Variants in EXOC4 observed in about 807,000 individuals in gnomAD.
The protein encoded by EXOC4 is SEC8-like 1.
Under a neutral mutation model 107.2 loss-of-function variants are expected in EXOC4, and 71 were observed. The ratio of observed to expected loss-of-function variants is 0.66; its 90% CI spans 0.55 to 0.81. The LOEUF (loss-of-function observed/expected upper bound fraction) is 0.81, where lower values mean the gene tolerates loss of function less well. Among genes scored for constraint, EXOC4 ranks in the 30% least tolerant of loss-of-function variants. EXOC4 has a pLI of 0.00. For missense variants in EXOC4, 1,108 were observed against 1,189.6 expected (o/e 0.93, Z 1.01); for synonymous variants, 456 against 441.2 (o/e 1.03, Z -0.42).
intron 10 of EXOC4, among the ~76,000 whole-genome samples, chr7:133,751,820 T>TAATA (rs1330992225): frequency 6.6e-6 from 1 of 152,038 alleles, no homozygotes; most frequent in Non-Finnish European, 1.5e-5. Flanking sequence ...TACTCTATTA[T>TAATA]ATTCTCTGAA....
intron 9 of EXOC4, among the ~76,000 whole-genome samples, chr7:133,617,824 A>AGT (rs1353126994): frequency 2.6e-5 from 4 of 152,226 alleles, no homozygotes; most frequent in Admixed American, 2.6e-4. Context: ...GTGTGAGGAA[A>AGT]GTTTAAAGTG....
At chr7:133,278,245 G>A (rs1794044313) in intron 2 of EXOC4, among the ~76,000 whole-genome samples, 1 of 152,166 alleles carries the variant, frequency 6.6e-6, no homozygotes, top group Admixed American at 6.5e-5. Context: ...TGTCTGCTTT[G>A]TGCTGAGGAT....
chr7:133,781,045 A>G (rs1796455147), intron 10 of EXOC4, among the ~76,000 whole-genome samples: 1 of 152,232 alleles, frequency 6.6e-6, no homozygotes, highest in Non-Finnish European at 1.5e-5. Context: ...CTGAGTCAGC[A>G]ACCCCAACAG....
chr7:133,861,374 A>G (rs550006862), intron 11 of EXOC4, among the ~76,000 whole-genome samples: 1 of 152,250 alleles, frequency 6.6e-6, no homozygotes, highest in South Asian at 2.1e-4. Flanking sequence ...ATTTATCTAC[A>G]TGACAAACCT....
In EXOC4 at chr7:134,012,180, G is replaced by A. The variant is rs73442637; in HGVS notation, c.2687+4345G>A. On this transcript the variant is annotated intron_variant, in intron 17 of 17. Transcript: ENST00000253861. ...GGAAGCTATTAGAAGGTTTGGAGCA[G>A]AAGAGTGCTACATAATGTGAATCAG... 3.7e-3 allele frequency among the ~76,000 whole-genome samples: 561 copies of A among 152,268 alleles called. 6 individuals are homozygous for A. The highest frequency in any genetic ancestry group is 0.013 in the African/African-American group (542 of 41,556).
At chr7:134,000,111 T>A (rs746519742) in intron 15 of EXOC4, among the ~76,000 whole-genome samples, 1 of 152,202 alleles carries the variant, frequency 6.6e-6, no homozygotes, top group Non-Finnish European at 1.5e-5. Flanking sequence ...CACTTCCTCA[T>A]GTAACATGGT....
intron 5 of EXOC4, among the ~76,000 whole-genome samples, chr7:133,336,937 G>A (rs1473707278): frequency 1.3e-5 from 2 of 151,958 alleles, no homozygotes; most frequent in African/African-American, 4.8e-5. Flanking sequence ...GTTTCACTAT[G>A]TTGGGCAGGA....
intron 4 of EXOC4, among the ~76,000 whole-genome samples, chr7:133,308,676 G>C (rs1212779901): frequency 1.3e-5 from 2 of 151,980 alleles, no homozygotes; most frequent in African/African-American, 4.8e-5. Flanking sequence ...ACAAGACCTT[G>C]GTCTGCAAGT....
At chr7:133,796,851 G>A (rs1796827481) in intron 10 of EXOC4, among the ~76,000 whole-genome samples, 1 of 152,182 alleles carries the variant, frequency 6.6e-6, no homozygotes, top group South Asian at 2.1e-4. Context: ...TTACGTGCCT[G>A]GGAAGCTAAT....
At chr7:133,927,243 C>T (rs1372216760) in intron 13 of EXOC4, among the ~76,000 whole-genome samples, 1 of 151,758 alleles carries the variant, frequency 6.6e-6, no homozygotes, top group East Asian at 1.9e-4. Context: ...TTCTGGTCCT[C>T]AGCACCATCA....
At chr7:133,559,273 G>A (rs1012061107) in intron 9 of EXOC4, among the ~76,000 whole-genome samples, 1 of 151,944 alleles carries the variant, frequency 6.6e-6, no homozygotes, top group East Asian at 1.9e-4. Flanking sequence ...TGTTTGTGTC[G>A]TGAATTCTTT....
intron 3 of EXOC4, among the ~76,000 whole-genome samples, chr7:133,300,419 A>G (rs1794616636): frequency 6.6e-6 from 1 of 152,184 alleles, no homozygotes; most frequent in African/African-American, 2.4e-5. Flanking sequence ...AGATCCCGCA[A>G]GAGTCCCTGA....
chr7:134,066,279 G>C (rs892691486), downstream of EXOC4: 2 of 152,186 alleles, frequency 1.3e-5, no homozygotes, highest in African/African-American at 4.8e-5. Context: ...CCGGAGTGGT[G>C]ACAGTGATGG....
At chr7:133,915,233 G>GATTCATTC (rs113597847) in intron 12 of EXOC4, among the ~76,000 whole-genome samples, 23 of 150,080 alleles carry the variant, frequency 1.5e-4, no homozygotes, top group Admixed American at 7.9e-4. Flanking sequence ...GCAGGGAAGA[G>GATTCATTC]ATTCATTCAT....
intron 9 of EXOC4, among the ~76,000 whole-genome samples, chr7:133,594,546 G>A (rs1801622014): frequency 1.6e-5 from 2 of 123,222 alleles, no homozygotes; most frequent in African/African-American, 6.1e-5. Context: ...CCAGGCTGGA[G>A]TGCGATGGCG....
intron 9 of EXOC4, among the ~76,000 whole-genome samples, chr7:133,484,436 T>G (rs1008190086): frequency 2.0e-5 from 3 of 152,164 alleles, no homozygotes; most frequent in African/African-American, 7.2e-5. Flanking sequence ...TGAAGAAAGA[T>G]ACAAGTTTTA....
chr7:133,578,480 G>A (rs1396532866), intron 9 of EXOC4, among the ~76,000 whole-genome samples: 1 of 152,048 alleles, frequency 6.6e-6, no homozygotes, highest in Non-Finnish European at 1.5e-5. Flanking sequence ...TTATCACTAT[G>A]GCTAGCTTGA....
intron 17 of EXOC4, among the ~76,000 whole-genome samples, chr7:134,052,185 A>C (rs1795811168): frequency 6.6e-6 from 1 of 152,182 alleles, no homozygotes; most frequent in Non-Finnish European, 1.5e-5. Flanking sequence ...TTCAACAATG[A>C]AAAGGAGAAA....
chr7:133,936,824 TA>T (rs1448941477), intron 13 of EXOC4, among the ~76,000 whole-genome samples: 2 of 152,124 alleles, frequency 1.3e-5, no homozygotes, highest in South Asian at 2.1e-4. Context: ...CACGCCTGGC[TA>T]ATTTTTTGTA....
Sources: allele counts gnomAD v4.1 joint callset (sites outside exome capture counted in the v4.1 genomes callset), GRCh38; gene constraint gnomAD v4.1.1; transcripts MANE v1.5; gene names NCBI Gene and HGNC (gene_info 2026-07-23, HGNC 2026-07-21).